The following KIRREL3 variants were observed in gnomAD, a reference collection of about 807,000 sequenced individuals.
KIRREL3 encodes the protein kin of IRRE-like protein 3.
Under a neutral mutation model 89.7 loss-of-function variants are expected in KIRREL3, and 36 were observed. The ratio of observed to expected loss-of-function variants is 0.40; its 90% CI spans 0.31 to 0.53. The LOEUF (loss-of-function observed/expected upper bound fraction) is 0.53. Among genes scored for constraint, KIRREL3 ranks in the 20% least tolerant of loss-of-function variants. KIRREL3 has a pLI of 0.49. For missense variants in KIRREL3, 864 were observed against 1,056.6 expected, an observed-to-expected ratio of 0.82 and a Z score of 2.53; for synonymous variants, 445 against 441.4, an observed-to-expected ratio of 1.01 and a Z score of -0.10.
chr11:126,898,956 G>C lies in KIRREL3; in HGVS notation c.55+101499C>G, dbSNP rs2134824265. ...TCCTCCAAACCTCCTTTATCCTCTTGAACAATCAGAGGGGGATGCTGTAAG... is the reference window on the plus strand; with the variant it reads ...TCCTCCAAACCTCCTTTATCCTCTTCAACAATCAGAGGGGGATGCTGTAAG... On this transcript the variant is annotated intron_variant, in intron 1 of 16. Transcript: ENST00000525144. This position sits in a 1 kb window ranked among gnomAD's most constrained non-coding sequence, Gnocchi z 4.9. Among the ~76,000 whole-genome samples, 1 of 151,782 alleles carries C rather than the reference G, an allele frequency of 6.6e-6. No individual in the cohort carries two copies. The highest frequency in any genetic ancestry group is 1.5e-5 in the Non-Finnish European group (1 of 67,992).
In KIRREL3 at chr11:126,440,492, T is replaced by C. The variant is rs1213515537; in HGVS notation, c.1310A>G (p.Gln437Arg). 6.2e-7 allele frequency: 1 copy of C among 1,601,220 alleles called. No individual in the cohort carries two copies. Among genetic ancestry groups the C allele is most frequent in the Admixed American group, 1.7e-5 (1 of 58,318 alleles). Reference sequence around the variant, plus strand: ...CGTGCTCCGGATGAAGCACTTGATCTGGCCCTTCTCGCCGTGGAGGGCGTG... The same window carrying C: ...CGTGCTCCGGATGAAGCACTTGATCCGGCCCTTCTCGCCGTGGAGGGCGTG... ...TQHALHGEKG[Q>R]IKCFIRSTPP... The change falls in exon 11 of 17, where the codon CAG becomes CGG. Residue 437 changes from glutamine (Q) to arginine (R), a missense_variant. By Grantham distance (43) the Gln-to-Arg change is conservative (BLOSUM62 1). Coordinates refer to ENST00000525144, the MANE Select transcript of KIRREL3 (RefSeq NM_032531.4).
In KIRREL3 at chr11:126,473,275, C is replaced by T. The variant is rs868577293; in HGVS notation, c.591+34G>A. On this transcript the variant is annotated intron_variant, in intron 5 of 16. Coordinates refer to ENST00000525144, the MANE Select transcript of KIRREL3 (RefSeq NM_032531.4). ...CTCCCCACCCACTCCCCTTGAAGCCCGTCCACACCCACCCCCTCCCCTCCA... is the reference window on the plus strand; with the variant it reads ...CTCCCCACCCACTCCCCTTGAAGCCTGTCCACACCCACCCCCTCCCCTCCA... 2.6e-5 allele frequency: 28 copies of T among 1,057,622 alleles called. No homozygotes were observed. In the Middle Eastern group the frequency reaches 7.0e-4, roughly 26 times the overall value. The allele number at this position is 1,057,622 out of a possible 1,614,324, so 65.5% of individuals were successfully genotyped here.
rs1943677375 is a variant in KIRREL3 at position 126,623,974 on chromosome 11, C to T, written c.56-61062G>A. 6.6e-6 allele frequency among the ~76,000 whole-genome samples: 1 copy of T among 152,090 alleles called. No homozygotes were observed. Among genetic ancestry groups the T allele is most frequent in the African/African-American group, 2.4e-5 (1 of 41,398 alleles). On this transcript the variant is annotated intron_variant, in intron 1 of 16. Transcript: ENST00000525144. This position sits in a 1 kb window ranked among gnomAD's most constrained non-coding sequence, Gnocchi z 4.1. ...TTCTGTGAATTACCCTTGAACTGGTCAGAAAGATCCAACAGCTCAGACAAG... is the reference window on the plus strand; with the variant it reads ...TTCTGTGAATTACCCTTGAACTGGTTAGAAAGATCCAACAGCTCAGACAAG...
At chr11:126,759,155 C>T (rs1302672639) in intron 1 of KIRREL3, among the ~76,000 whole-genome samples, 1 of 152,200 alleles carries the variant, frequency 6.6e-6, no homozygotes, top group East Asian at 1.9e-4. Flanking sequence ...CGAAGTCTTG[C>T]TCTGTCACCC....
chr11:126,679,273 G>A (rs1339830911), intron 1 of KIRREL3, among the ~76,000 whole-genome samples: 1 of 152,188 alleles, frequency 6.6e-6, no homozygotes, highest in Non-Finnish European at 1.5e-5. Flanking sequence ...TCTACTTCTG[G>A]ACCTTTTGTT....
intron 1 of KIRREL3, among the ~76,000 whole-genome samples, chr11:126,937,987 G>A (rs949748965): frequency 1.3e-5 from 2 of 152,178 alleles, no homozygotes; most frequent in African/African-American, 4.8e-5. Flanking sequence ...GAACCCCAAA[G>A]AGTCACAGAG....
At chr11:126,928,230 G>A (rs995398377) in intron 1 of KIRREL3, among the ~76,000 whole-genome samples, 31 of 152,268 alleles carry the variant, frequency 2.0e-4, no homozygotes, top group African/African-American at 7.2e-4. Context: ...AGATGGGATA[G>A]ATCCCACCAG....
intron 1 of KIRREL3, among the ~76,000 whole-genome samples, chr11:126,657,069 CAAAA>C (rs556363593): frequency 6.6e-6 from 1 of 151,092 alleles, no homozygotes; most frequent in African/African-American, 2.4e-5. Flanking sequence ...AAAAAAGAAA[CAAAA>C]AAAAACAGAA....
chr11:126,514,057 G>T (rs7122210), intron 4 of KIRREL3, among the ~76,000 whole-genome samples: 49,820 of 151,860 alleles, frequency 0.33, 8,535 homozygotes, highest in Admixed American at 0.39. Flanking sequence ...TCTGCTTCTG[G>T]CCCAGGGGAC....
intron 1 of KIRREL3, among the ~76,000 whole-genome samples, chr11:126,741,822 C>T (rs1393877333): frequency 6.6e-6 from 1 of 152,224 alleles, no homozygotes; most frequent in Admixed American, 6.5e-5. Context: ...ATTTGGGAAC[C>T]ACTGAGGTCT....
In KIRREL3 at chr11:126,512,567, C is replaced by T. The variant is rs117005395; in HGVS notation, c.433+8748G>A. ...GTGAGGGGCCTCCTCCAGGCAGCTG[C>T]CCCCCGCATGTTATAGGAAGGGGCT... On this transcript the variant is annotated intron_variant, in intron 4 of 16. Transcript: ENST00000525144. 1.7e-3 allele frequency among the ~76,000 whole-genome samples: 261 copies of T among 152,258 alleles called. 3 individuals carry two copies. In the East Asian group the frequency reaches 0.045, roughly 26 times the overall value.
rs1941239115 is a variant in KIRREL3 at position 126,576,062 on chromosome 11, T to G, written c.56-13150A>C. Reference sequence around the variant, plus strand: ...ACCTGGCTCAGAGCCAGGCACATAGTAGGCACTCAGTGCACATGTGTATGT... The same window carrying G: ...ACCTGGCTCAGAGCCAGGCACATAGGAGGCACTCAGTGCACATGTGTATGT... On this transcript the variant is annotated intron_variant, in intron 1 of 16. Coordinates refer to ENST00000525144, the MANE Select transcript of KIRREL3 (RefSeq NM_032531.4). This position sits in a 1 kb window ranked among gnomAD's most constrained non-coding sequence, Gnocchi z 5.4. Among the ~76,000 whole-genome samples, 1 of 152,216 alleles carries G rather than the reference T, an allele frequency of 6.6e-6. No individual in the cohort carries two copies. Among genetic ancestry groups the G allele is most frequent in the East Asian group, 1.9e-4 (1 of 5,198 alleles).
In KIRREL3 at chr11:126,515,200, T is replaced by A. The variant is rs1028406572; in HGVS notation, c.433+6115A>T. Reference sequence around the variant, plus strand: ...ATTTTAGGAGGCTGAGTTGGGTGGATCCCTTGAGCCCAGAAGTTCAAGACA... The same window carrying A: ...ATTTTAGGAGGCTGAGTTGGGTGGAACCCTTGAGCCCAGAAGTTCAAGACA... On this transcript the variant is annotated intron_variant, in intron 4 of 16. Coordinates refer to ENST00000525144, the MANE Select transcript of KIRREL3 (RefSeq NM_032531.4). The surrounding 1 kb of genome is among the most constrained non-coding windows in gnomAD (Gnocchi z 4.2). 2.0e-5 allele frequency among the ~76,000 whole-genome samples: 3 copies of A among 152,094 alleles called. No individual in the cohort carries two copies. Among genetic ancestry groups the A allele is most frequent in the Non-Finnish European group, 4.4e-5 (3 of 68,016 alleles).
Position 126,476,307 on chromosome 11 carries a change from C to A in KIRREL3, c.434-2841G>T, listed in dbSNP as rs886512263. Among the ~76,000 whole-genome samples, 2 of 152,198 alleles carry A rather than the reference C, an allele frequency of 1.3e-5. No homozygotes were observed. The highest frequency in any genetic ancestry group is 2.1e-4 in the South Asian group (1 of 4,828). ...TCCCCAGGGGGTCCCATGGCAGGACCAGCTTTCTGGGCTCTGGACTCTGGG... is the reference window on the plus strand; with the variant it reads ...TCCCCAGGGGGTCCCATGGCAGGACAAGCTTTCTGGGCTCTGGACTCTGGG... On this transcript the variant is annotated intron_variant, in intron 4 of 16. Coordinates refer to ENST00000525144, the MANE Select transcript of KIRREL3 (RefSeq NM_032531.4). This position sits in a 1 kb window ranked among gnomAD's most constrained non-coding sequence, Gnocchi z 6.4.
At chr11:126,790,117 C>T (rs1015836655) in intron 1 of KIRREL3, among the ~76,000 whole-genome samples, 2 of 152,204 alleles carry the variant, frequency 1.3e-5, no homozygotes, top group Non-Finnish European at 2.9e-5. Flanking sequence ...AGTGTCATCC[C>T]TAACTCCCCT....
At chr11:126,836,034 C>A (rs1301706012) in intron 1 of KIRREL3, among the ~76,000 whole-genome samples, 2 of 152,202 alleles carry the variant, frequency 1.3e-5, no homozygotes, top group African/African-American at 4.8e-5. Flanking sequence ...CATGTCCTGA[C>A]TCCAGGGGAA....
In KIRREL3 at chr11:126,490,728, T is replaced by C. The variant is rs1957488765; in HGVS notation, c.434-17262A>G. ...CAGAACAGGGCTCAGTGAATGCTCA[T>C]TCCTTTTCTTGTCTCTCCTCCCTCC... is the stretch of plus-strand genomic sequence containing the variant. On this transcript the variant is annotated intron_variant, in intron 4 of 16. Transcript: ENST00000525144. This position sits in a 1 kb window ranked among gnomAD's most constrained non-coding sequence, Gnocchi z 4.2. Among the ~76,000 whole-genome samples the C allele has an allele frequency of 6.6e-6, 1 of 152,222 alleles. No homozygotes were observed. The highest frequency in any genetic ancestry group is 2.4e-5 in the African/African-American group (1 of 41,458).
chr11:126,720,825 G>A (rs965974900), intron 1 of KIRREL3, among the ~76,000 whole-genome samples: 1 of 152,202 alleles, frequency 6.6e-6, no homozygotes, highest in Non-Finnish European at 1.5e-5. Context: ...GGAAGCCTGG[G>A]AGAAGGTGGG....
rs1947691276 is a variant in KIRREL3, at chr11:126,709,913, T to C, written c.56-147001A>G. On this transcript the variant is annotated intron_variant, in intron 1 of 16. Transcript: ENST00000525144. The surrounding 1 kb of genome is among the most constrained non-coding windows in gnomAD (Gnocchi z 4.0). ...GGGTAGGTAATGATGTGAGCTACCT[T>C]ACTGAGCATCTTCTATACAGCAAGC... Among the ~76,000 whole-genome samples, 2 of 152,182 alleles carry C rather than the reference T, an allele frequency of 1.3e-5. No homozygotes were observed. Among genetic ancestry groups the C allele is most frequent in the Non-Finnish European group, 2.9e-5 (2 of 68,026 alleles).
Sources: allele counts gnomAD v4.1 joint callset (sites outside exome capture counted in the v4.1 genomes callset), GRCh38; gene constraint gnomAD v4.1.1; non-coding constraint Gnocchi (gnomAD v3.1); transcripts MANE v1.5; gene names NCBI Gene and HGNC (gene_info 2026-07-23, HGNC 2026-07-21).